Variants in PAK3 observed in about 807,000 individuals in gnomAD.
PAK3 encodes serine/threonine-protein kinase PAK 3.
Under a neutral mutation model 41.0 loss-of-function variants are expected in PAK3, and 4 were observed. The observed-to-expected ratio is 0.10, with a 90% CI of 0.05 to 0.22. The LOEUF is 0.22. PAK3 is among the 10% of genes least tolerant of loss of function. The pLI, the probability that PAK3 is intolerant of heterozygous loss-of-function variation, is 1.00. For synonymous variants in PAK3, 146 were observed against 139.6 expected, an observed-to-expected ratio of 1.05 and a Z score of -0.32; for missense variants, 205 against 409.9, an observed-to-expected ratio of 0.50 and a Z score of 4.32.
intron 1 of PAK3, among the ~76,000 whole-genome samples, chrX:110,991,307 A>G (rs1033279052): frequency 2.7e-5 from 3 of 111,866 alleles, no homozygotes; most frequent in African/African-American, 9.7e-5. Flanking sequence ...AACATTTAGC[A>G]TAGCACCTGA....
At chrX:111,178,959 TTATA>T (rs1166414505) in intron 11 of PAK3, among the ~76,000 whole-genome samples, 4 of 98,785 alleles carry the variant, frequency 4.0e-5, no homozygotes, top group Non-Finnish European at 5.9e-5. Flanking sequence ...ATAAACTGTT[TTATA>T]TATATATATA....
intron 4 of PAK3, among the ~76,000 whole-genome samples, chrX:111,110,805 A>G (rs1415445631): frequency 8.9e-6 from 1 of 112,495 alleles, no homozygotes; most frequent in Non-Finnish European, 1.9e-5. Flanking sequence ...CATGAGAATT[A>G]TAAGACATCA....
chrX:110,952,635 G>T (rs1330971412), intron 1 of PAK3, among the ~76,000 whole-genome samples: 1 of 110,893 alleles, frequency 9.0e-6, no homozygotes. Context: ...ACGATTTTGA[G>T]CTGTCAGAAG....
intron 1 of PAK3, among the ~76,000 whole-genome samples, chrX:110,985,255 C>G (rs1005269510): frequency 2.7e-5 from 3 of 111,051 alleles, no homozygotes; most frequent in Non-Finnish European, 5.7e-5. Flanking sequence ...CACCCTCCCT[C>G]TCATGACTGC....
chrX:111,038,193 A>G (rs2092418931), intron 1 of PAK3, among the ~76,000 whole-genome samples: 1 of 112,148 alleles, frequency 8.9e-6, no homozygotes, highest in Admixed American at 9.4e-5. Context: ...ATCAACAACA[A>G]TGTATTATAT....
chrX:111,197,446 A>G (rs2094628131), intron 16 of PAK3, among the ~76,000 whole-genome samples: 1 of 111,745 alleles, frequency 8.9e-6, no homozygotes, highest in South Asian at 3.8e-4. Context: ...ATATCCAGTA[A>G]TGGTATTGCT....
chrX:111,121,165 T>G (rs1444616472), intron 4 of PAK3, among the ~76,000 whole-genome samples: 2 of 112,322 alleles, frequency 1.8e-5, no homozygotes. Context: ...TAGTTTGACC[T>G]AAATAGGAAA....
chrX:111,006,921 C>T (rs762426143), intron 1 of PAK3, among the ~76,000 whole-genome samples: 4 of 99,813 alleles, frequency 4.0e-5, no homozygotes, highest in East Asian at 3.2e-4. Context: ...CATGGCTCAC[C>T]GAAGCGTCAA....
At chrX:110,997,294 A>G (rs1400375694) in intron 1 of PAK3, among the ~76,000 whole-genome samples, 1 of 111,302 alleles carries the variant, frequency 9.0e-6, no homozygotes, top group East Asian at 2.8e-4. Flanking sequence ...GGGTAATATC[A>G]TCTGACTTAG....
chrX:111,092,479 C>G (rs1162910893), upstream of PAK3, among the ~76,000 whole-genome samples: 3 of 111,691 alleles, frequency 2.7e-5, no homozygotes, highest in African/African-American at 9.8e-5. Flanking sequence ...AGGAGTATTA[C>G]TATTTCAGTA....
chrX:111,154,297 T>C lies in PAK3; in HGVS notation c.468+1850T>C, dbSNP rs983416577. ...GGTTAAGATGGTAAATTTTATGTTA[T>C]ATATATTTTGCTACAATTAAAAATA... On this transcript the variant is annotated intron_variant, in intron 8 of 17. Transcript: ENST00000372007. 1.6e-4 allele frequency among the ~76,000 whole-genome samples: 18 copies of C among 111,491 alleles called. 1 individual carries two copies. Among genetic ancestry groups the C allele is most frequent in the African/African-American group, 4.2e-4 (13 of 30,684 alleles).
chrX:111,107,856 C>A (rs2093301490), intron 4 of PAK3, among the ~76,000 whole-genome samples: 1 of 111,922 alleles, frequency 8.9e-6, no homozygotes, highest in African/African-American at 3.2e-5. Context: ...AAGGGGATAC[C>A]TGAGCAGGAA....
intron 16 of PAK3, among the ~76,000 whole-genome samples, chrX:111,214,451 A>G (rs1454032035): frequency 8.9e-6 from 1 of 111,962 alleles, no homozygotes; most frequent in African/African-American, 3.3e-5. Flanking sequence ...ATGTTCAGAC[A>G]AGTCTGGGAC....
intron 1 of PAK3, among the ~76,000 whole-genome samples, chrX:111,070,006 G>C (rs1343146991): frequency 9.0e-6 from 1 of 111,335 alleles, no homozygotes; most frequent in Non-Finnish European, 1.9e-5. Context: ...ATAGCCCTAT[G>C]CATTGCATTA....
chrX:111,176,172 T>A (rs1190611528), intron 11 of PAK3, among the ~76,000 whole-genome samples: 1 of 111,103 alleles, frequency 9.0e-6, no homozygotes, highest in African/African-American at 3.3e-5. Flanking sequence ...ACTGCAAAGC[T>A]GTCTGCCAAC....
chrX:110,970,611 G>A (rs2091186521), intron 1 of PAK3, among the ~76,000 whole-genome samples: 1 of 111,227 alleles, frequency 9.0e-6, no homozygotes, highest in African/African-American at 3.3e-5. Context: ...TGGGGGGAAA[G>A]AGGAGGGAGA....
chrX:111,215,990 T>A lies in PAK3; in HGVS notation c.1408-431T>A, dbSNP rs149137049. On this transcript the variant is annotated intron_variant, in intron 16 of 17. Coordinates refer to ENST00000372007, the MANE Select transcript of PAK3 (RefSeq NM_002578.5). Reference sequence around the variant, plus strand: ...AACATTCTTCAAACAAGATAAGCACTTAGCAAATTACAATTACCTTTCCAT... The same window carrying A: ...AACATTCTTCAAACAAGATAAGCACATAGCAAATTACAATTACCTTTCCAT... Among the ~76,000 whole-genome samples the A allele has an allele frequency of 8.5e-3, 952 of 112,195 alleles. 9 individuals are homozygous for A. The highest frequency in any genetic ancestry group is 0.029 in the African/African-American group (899 of 30,873).
intron 11 of PAK3, among the ~76,000 whole-genome samples, chrX:111,174,369 AG>A (rs928380168): frequency 1.2e-4 from 13 of 111,167 alleles, no homozygotes; most frequent in Middle Eastern, 4.2e-3. Flanking sequence ...GAAGACCCTA[AG>A]GGGGACAGAA....
At chrX:110,989,985 T>C (rs1602671315) in intron 1 of PAK3, among the ~76,000 whole-genome samples, 1 of 112,408 alleles carries the variant, frequency 8.9e-6, no homozygotes, top group East Asian at 2.8e-4. Flanking sequence ...CTTGGCGCTC[T>C]TTATTGCTTT....
Sources: gnomAD v4.1 joint callset for allele counts (sites outside exome capture counted in the v4.1 genomes callset) on GRCh38, gnomAD v4.1.1 for gene constraint, MANE v1.5 for transcripts, NCBI Gene and HGNC (gene_info 2026-07-23, HGNC 2026-07-21) for gene names.